FCF1: variants seen among roughly 807,000 people sequenced by gnomAD.
FCF1 encodes FCF1 rRNA-processing protein.
FCF1 carries 17 observed loss-of-function variants against 32.5 expected under a neutral mutation model. The ratio of observed to expected loss-of-function variants is 0.52; its 90% confidence interval spans 0.36 to 0.78. The LOEUF (loss-of-function observed/expected upper bound fraction) is 0.78. Among genes scored for constraint, FCF1 ranks in the 30% least tolerant of loss-of-function variants. The pLI, the probability that FCF1 is intolerant of heterozygous loss-of-function variation, is 0.00. For synonymous variants in FCF1, 84 were observed against 78.4 expected (o/e 1.07, Z -0.38); for missense variants, 201 against 241.1 (o/e 0.83, Z 1.10).
In FCF1 at chr14:74,723,255, A is replaced by T; in HGVS notation, c.293-17A>T. On this transcript the variant is annotated splice_polypyrimidine_tract_variant and intron_variant, in intron 4 of 7. Transcript: ENST00000341162. The stretch of plus-strand genomic sequence containing the variant: ...GTTACAAGTTCTGTTCTTAATGTGA[A>T]TTTTTTTCCCTGGCAGGTATCCCAT... 1 of 1,601,838 alleles carries T rather than the reference A, an allele frequency of 6.2e-7. No individual in the cohort carries two copies. The highest frequency in any genetic ancestry group is 1.3e-5 in the African/African-American group (1 of 74,672).
intron 5 of FCF1, among the ~76,000 whole-genome samples, chr14:74,732,480 C>T (rs1245536430): frequency 6.6e-6 from 1 of 152,146 alleles, no homozygotes; most frequent in Non-Finnish European, 1.5e-5. Flanking sequence ...TTTAATCTCT[C>T]TAAGCCTACT....
chr14:74,718,491 T>A (rs932330315), intron 4 of FCF1, among the ~76,000 whole-genome samples: 5 of 151,378 alleles, frequency 3.3e-5, no homozygotes, highest in Non-Finnish European at 5.9e-5. Context: ...ATATATATAT[T>A]GAGACAAAGT....
At chr14:74,731,454 CCTG>C (rs1229412400) in intron 5 of FCF1, among the ~76,000 whole-genome samples, 1 of 152,148 alleles carries the variant, frequency 6.6e-6, no homozygotes, top group Non-Finnish European at 1.5e-5. Flanking sequence ...CCCAGCACAG[CCTG>C]CTTAGTTTTT....
intron 4 of FCF1, among the ~76,000 whole-genome samples, chr14:74,719,526 C>G (rs1459074560): frequency 6.6e-6 from 1 of 151,894 alleles, no homozygotes. Flanking sequence ...TTTGGGAGGC[C>G]AAGGTGGGTG....
At chr14:74,732,864 ATGT>A in intron 6 of FCF1, 46 bp downstream of exon 6, 11 of 1,077,264 alleles carry the variant, frequency 1.0e-5, no homozygotes, top group Non-Finnish European at 1.5e-5. Flanking sequence ...AAAAAAAAAA[ATGT>A]AAACTATTAT....
At chr14:74,713,641 T>A in intron 2 of FCF1, 89 bp downstream of exon 2, 1 of 1,198,884 alleles carries the variant, frequency 8.3e-7, no homozygotes, top group Non-Finnish European at 1.2e-6. Flanking sequence ...ATTATTTTGT[T>A]TTTTGCTTAT....
rs1410782568 is a variant in FCF1 at position 74,738,103 on chromosome 14, A to T, written c.*3173A>T. Reference sequence around the variant, plus strand: ...CCTAAATTTTTTTTTTTTTTGAGACAGTTTCTCACTCTGTCACCCAGGCTG... The same window carrying T: ...CCTAAATTTTTTTTTTTTTTGAGACTGTTTCTCACTCTGTCACCCAGGCTG... On this transcript the variant is annotated 3_prime_UTR_variant, in exon 8 of 8. Transcript: ENST00000341162. 1 of 150,342 alleles carries T rather than the reference A, an allele frequency of 6.7e-6. No homozygotes were observed. The highest frequency in any genetic ancestry group is 1.9e-4 in the East Asian group (1 of 5,170). 9.3% of individuals were successfully genotyped at this position (150,342 alleles called of 1,614,324 possible). A position where few individuals can be genotyped will look rare whatever the true frequency, so the allele number is the denominator to read the frequency against.
At chr14:74,716,724 C>T (rs750774231) in intron 4 of FCF1, among the ~76,000 whole-genome samples, 108 of 152,262 alleles carry the variant, frequency 7.1e-4, no homozygotes, top group Admixed American at 7.2e-4. Flanking sequence ...TCTATGAAGC[C>T]TATCATAGTA....
chr14:74,715,081 A>T, intron 3 of FCF1, 138 bp downstream of exon 3: 1 of 829,036 alleles, frequency 1.2e-6, no homozygotes, highest in South Asian at 2.3e-5. Context: ...ATCGATGAGC[A>T]TATATCAATT....
chr14:74,721,027 T>G (rs1566716820), intron 4 of FCF1, among the ~76,000 whole-genome samples: 2 of 151,182 alleles, frequency 1.3e-5, no homozygotes, highest in East Asian at 3.9e-4. Context: ...GCAGGTGTGT[T>G]CCACCACACC....
intron 4 of FCF1, among the ~76,000 whole-genome samples, chr14:74,721,598 G>A (rs574867566): frequency 6.6e-5 from 10 of 152,112 alleles, no homozygotes; most frequent in Middle Eastern, 6.8e-3. Flanking sequence ...CTACTTGGGA[G>A]GCTGAGGCAG....
At chr14:74,729,395 T>G (rs1230608583) in intron 5 of FCF1, among the ~76,000 whole-genome samples, 1 of 152,016 alleles carries the variant, frequency 6.6e-6, no homozygotes, top group African/African-American at 2.4e-5. Flanking sequence ...TGCGTAGAGG[T>G]GTTTGTAGTA....
intron 4 of FCF1, among the ~76,000 whole-genome samples, chr14:74,721,044 ATT>A (rs750216386): frequency 1.2e-4 from 15 of 120,888 alleles, no homozygotes; most frequent in East Asian, 2.3e-4. Context: ...CACCCACCTA[ATT>A]TTTTTTTTTT....
chr14:74,727,907 T>C (rs2140034542), intron 5 of FCF1, among the ~76,000 whole-genome samples: 1 of 152,302 alleles, frequency 6.6e-6, no homozygotes, highest in African/African-American at 2.4e-5. Context: ...AAAGATCAGA[T>C]AGTTGTAGAT....
rs1458941375 is a variant in FCF1, at chr14:74,736,335, C to T, written c.*1405C>T. The T allele has an allele frequency of 6.6e-6, 1 of 151,854 alleles. No homozygotes were observed. Among genetic ancestry groups the T allele is most frequent in the East Asian group, 1.9e-4 (1 of 5,152 alleles). 9.4% of individuals were successfully genotyped at this position (151,854 alleles called of 1,614,324 possible). A position where few individuals can be genotyped will look rare whatever the true frequency, so the allele number is the denominator to read the frequency against. ...GCTGAGGCAGGAGAACCTCTTGAAC[C>T]CAGGAGGTGGAGGTTGCAGTGAGCT... On this transcript the variant is annotated 3_prime_UTR_variant, in exon 8 of 8. Transcript: ENST00000341162.
chr14:74,732,509 A>G (rs1438971564), intron 5 of FCF1, among the ~76,000 whole-genome samples: 2 of 152,194 alleles, frequency 1.3e-5, no homozygotes, highest in African/African-American at 2.4e-5. Context: ...TGTAGAATAG[A>G]TATATAATAA....
At chr14:74,731,883 G>C (rs1449834130) in intron 5 of FCF1, among the ~76,000 whole-genome samples, 1 of 152,088 alleles carries the variant, frequency 6.6e-6, no homozygotes, top group Non-Finnish European at 1.5e-5. Flanking sequence ...GAAAGAGCAT[G>C]GCTCTCAGAA....
intron 5 of FCF1, among the ~76,000 whole-genome samples, chr14:74,724,445 T>C (rs1048676241): frequency 1.2e-4 from 19 of 152,090 alleles, no homozygotes; most frequent in African/African-American, 4.6e-4. Context: ...ACACCTCACA[T>C]GGCCAGTTTT....
chr14:74,721,356 A>G (rs948523938), intron 4 of FCF1, among the ~76,000 whole-genome samples: 4 of 152,006 alleles, frequency 2.6e-5, no homozygotes, highest in African/African-American at 9.7e-5. Flanking sequence ...CCTAATTTTT[A>G]TATTTTTAGT....
Sources: gnomAD v4.1 joint callset for allele counts (sites outside exome capture counted in the v4.1 genomes callset) on GRCh38, gnomAD v4.1.1 for gene constraint, MANE v1.5 for transcripts, NCBI Gene and HGNC (gene_info 2026-07-23, HGNC 2026-07-21) for gene names.